RSPO4: variants seen among roughly 807,000 people sequenced by gnomAD.
RSPO4 encodes R-spondin-4.
Under a neutral mutation model 24.8 loss-of-function variants are expected in RSPO4, and 23 were observed. That is an observed-to-expected ratio of 0.93 (90% CI 0.67 to 1.31). RSPO4 has a LOEUF of 1.31. RSPO4 is among the 40% of genes most tolerant of loss of function. The probability of loss-of-function intolerance (pLI) is 0.00; values close to 1 mark genes in which losing one functional copy is unlikely to be tolerated. For synonymous variants in RSPO4, 141 were observed against 127.4 expected (o/e 1.11, Z -0.72); for missense variants, 333 against 316.5 (o/e 1.05, Z -0.39).
Position 979,485 on chromosome 20 carries a change from G to A in RSPO4, c.80-11347C>T, listed in dbSNP as rs112709372. Among the ~76,000 whole-genome samples the A allele has an allele frequency of 3.4e-4, 51 of 152,212 alleles. 1 individual carries two copies. Among genetic ancestry groups the A allele is most frequent in the African/African-American group, 1.1e-3 (47 of 41,504 alleles). On this transcript the variant is annotated intron_variant, in intron 1 of 4. Transcript: ENST00000217260. ...CTACGTAGAAACACTTATTTGCTGC[G>A]GGTTTCACTTTTCCTCCAAAACAAA...
rs138211180 is a variant in RSPO4, at chr20:998,825, T to C, written c.79+3261A>G. On this transcript the variant is annotated intron_variant, in intron 1 of 4. Coordinates refer to ENST00000217260, the MANE Select transcript of RSPO4 (RefSeq NM_001029871.4). ...AAGTGAATGAATGAAGCACTGCCAA[T>C]ACCCAGGTGTTTTCAGGACACATTC... Among the ~76,000 whole-genome samples, 740 of 152,214 alleles carry C rather than the reference T, an allele frequency of 4.9e-3. 6 individuals carry two copies. Among genetic ancestry groups the C allele is most frequent in the Non-Finnish European group, 7.6e-3 (519 of 67,998 alleles).
intron 1 of RSPO4, among the ~76,000 whole-genome samples, chr20:986,688 T>G (rs1180806483): frequency 6.6e-6 from 1 of 151,090 alleles, no homozygotes; most frequent in Non-Finnish European, 1.5e-5. Context: ...GCATGCCATG[T>G]TTGTAACCCT....
At chr20:990,547 C>CTTCT (rs1039833409) in intron 1 of RSPO4, among the ~76,000 whole-genome samples, 1 of 147,130 alleles carries the variant, frequency 6.8e-6, no homozygotes, top group Non-Finnish European at 1.5e-5. Flanking sequence ...CTTTTTCTTT[C>CTTCT]TTCTTTCTTT....
At chr20:984,314 G>C (rs915145986) in intron 1 of RSPO4, among the ~76,000 whole-genome samples, 3 of 142,300 alleles carry the variant, frequency 2.1e-5, no homozygotes, top group Admixed American at 2.0e-4. Context: ...ACTCCACCCT[G>C]GGCGACAGAG....
intron 4 of RSPO4, among the ~76,000 whole-genome samples, chr20:963,112 T>C (rs1488701391): frequency 6.6e-6 from 1 of 152,144 alleles, no homozygotes; most frequent in Admixed American, 6.5e-5. Flanking sequence ...GAAATACGTG[T>C]AGTGGTCTTG....
intron 1 of RSPO4, among the ~76,000 whole-genome samples, chr20:990,129 A>C (rs1018392401): frequency 1.3e-5 from 2 of 152,200 alleles, no homozygotes; most frequent in African/African-American, 4.8e-5. Flanking sequence ...TAACTACTGG[A>C]GAGGAGCCTG....
chr20:974,988 C>A (rs116112796), intron 1 of RSPO4, among the ~76,000 whole-genome samples: 1,833 of 152,302 alleles, frequency 0.012, 33 homozygotes, highest in African/African-American at 0.042. Flanking sequence ...ACCTCACGGG[C>A]TCCTTGAGAC....
In RSPO4 at chr20:960,212, G is replaced by GGC; in HGVS notation, c.*144_*145insGC. The stretch of plus-strand genomic sequence containing the variant: ...AAGAAAAAGAAAGGGAAGGTAGACT[G>GGC]ACAGAAAAATGATAGAAGGGTGGAA... On this transcript the variant is annotated 3_prime_UTR_variant, in exon 5 of 5. Coordinates refer to ENST00000217260, the MANE Select transcript of RSPO4 (RefSeq NM_001029871.4). 1 of 628,760 alleles carries GGC rather than the reference G, an allele frequency of 1.6e-6. No homozygotes were observed. Among genetic ancestry groups the GGC allele is most frequent in the Non-Finnish European group, 2.8e-6 (1 of 353,128 alleles). 38.9% of individuals were successfully genotyped at this position (628,760 alleles called of 1,614,324 possible). A position where few individuals can be genotyped will look rare whatever the true frequency, so the allele number is the denominator to read the frequency against.
chr20:967,099 C>T, intron 3 of RSPO4, 75 bp downstream of exon 3: 10 of 1,470,504 alleles, frequency 6.8e-6, no homozygotes, highest in South Asian at 1.2e-5. Flanking sequence ...TTCCAGGGCC[C>T]CTAACATCTC....
At chr20:993,553 G>T (rs1301420579) in intron 1 of RSPO4, among the ~76,000 whole-genome samples, 1 of 152,158 alleles carries the variant, frequency 6.6e-6, no homozygotes, top group African/African-American at 2.4e-5. Context: ...AATGTGGAAG[G>T]CCTCATCTGT....
intron 1 of RSPO4, among the ~76,000 whole-genome samples, chr20:975,784 TTG>T (rs2122230592): frequency 6.6e-6 from 1 of 152,318 alleles, no homozygotes; most frequent in East Asian, 1.9e-4. Flanking sequence ...TTTGGGGCAG[TTG>T]TGTGACCTTG....
At chr20:994,784 G>A (rs538920583) in intron 1 of RSPO4, among the ~76,000 whole-genome samples, 3 of 152,078 alleles carry the variant, frequency 2.0e-5, no homozygotes, top group Non-Finnish European at 2.9e-5. Flanking sequence ...GGCTGGTCTC[G>A]AACTCCTGGC....
At chr20:988,126 G>A (rs1039271804) in intron 1 of RSPO4, among the ~76,000 whole-genome samples, 4 of 152,230 alleles carry the variant, frequency 2.6e-5, no homozygotes, top group African/African-American at 9.6e-5. Context: ...AGAACGTGGT[G>A]TGGAAGAGAG....
At chr20:995,534 T>C (rs1175546764) in intron 1 of RSPO4, among the ~76,000 whole-genome samples, 1 of 149,840 alleles carries the variant, frequency 6.7e-6, no homozygotes, top group Non-Finnish European at 1.5e-5. Context: ...CGACACATCA[T>C]TCCACCTTCC....
At chr20:969,257 CTG>C (rs1984334070) in intron 1 of RSPO4, among the ~76,000 whole-genome samples, 1 of 152,206 alleles carries the variant, frequency 6.6e-6, no homozygotes, top group Non-Finnish European at 1.5e-5. Flanking sequence ...CTGCAGTGAG[CTG>C]TGTTTGTGCC....
intron 4 of RSPO4, among the ~76,000 whole-genome samples, chr20:960,990 G>A (rs1156505161): frequency 6.6e-6 from 1 of 152,234 alleles, no homozygotes; most frequent in African/African-American, 2.4e-5. Flanking sequence ...CAACAGCCGA[G>A]AGAGGCAGGT....
Position 1,002,222 on chromosome 20 carries a change from A to T in RSPO4, c.-58T>A. ...GGCGGCCCGACGGCCCAAGGGCCCC[A>T]CGTCCCGGCGGCGGCACGGCGGGCG... is the stretch of plus-strand genomic sequence containing the variant. On this transcript the variant is annotated 5_prime_UTR_variant, in exon 1 of 5. Transcript: ENST00000217260. This position sits in a 1 kb window ranked among gnomAD's most constrained non-coding sequence, Gnocchi z 4.6. 1 of 1,274,356 alleles carries T rather than the reference A, an allele frequency of 7.8e-7. No homozygotes were observed. The highest frequency in any genetic ancestry group is 1.0e-6 in the Non-Finnish European group (1 of 980,074). The allele number at this position is 1,274,356 out of a possible 1,614,324, so 78.9% of individuals were successfully genotyped here. A position where few individuals can be genotyped will look rare whatever the true frequency, so the allele number is the denominator to read the frequency against.
At position 981,694 on chromosome 20, in the gene RSPO4, G is replaced by A. The variant is rs1017738620; in HGVS notation, c.80-13556C>T. 6.6e-6 allele frequency among the ~76,000 whole-genome samples: 1 copy of A among 152,310 alleles called. No homozygotes were observed. Among genetic ancestry groups the A allele is most frequent in the East Asian group, 1.9e-4 (1 of 5,188 alleles). On this transcript the variant is annotated intron_variant, in intron 1 of 4. Coordinates refer to ENST00000217260, the MANE Select transcript of RSPO4 (RefSeq NM_001029871.4). The surrounding 1 kb of genome is among the most constrained non-coding windows in gnomAD (Gnocchi z 4.6). ...GGAAGGGCTGGGTTCATGTGTGCCC[G>A]ACATGTGTGTGTTTGGGGGACAGGG...
chr20:979,477 T>C (rs1984672201), intron 1 of RSPO4, among the ~76,000 whole-genome samples: 1 of 152,298 alleles, frequency 6.6e-6, no homozygotes, highest in South Asian at 2.1e-4. Flanking sequence ...GAAACACTTA[T>C]TTGCTGCGGG....
Sources: gnomAD v4.1 joint callset for allele counts (sites outside exome capture counted in the v4.1 genomes callset) on GRCh38, gnomAD v4.1.1 for gene constraint, Gnocchi (gnomAD v3.1) non-coding constraint, MANE v1.5 for transcripts, NCBI Gene and HGNC (gene_info 2026-07-23, HGNC 2026-07-21) for gene names.